TMEM108: variants seen among roughly 807,000 people sequenced by gnomAD.
TMEM108 encodes the protein transmembrane protein 108, also known as cancer/testis antigen 124.
Under a neutral mutation model 35.1 loss-of-function variants are expected in TMEM108, and 12 were observed. That is an observed-to-expected ratio of 0.34 (90% confidence interval 0.22 to 0.55). The LOEUF is 0.55. Among genes scored for constraint, TMEM108 ranks in the 20% least tolerant of loss-of-function variants. The pLI, the probability that TMEM108 is intolerant of heterozygous loss-of-function variation, is 0.89. For missense variants in TMEM108, 680 were observed against 753.3 expected (o/e 0.90, Z 1.14); for synonymous variants, 287 against 308.6 (o/e 0.93, Z 0.73).
intron 4 of TMEM108, among the ~76,000 whole-genome samples, chr3:133,383,778 C>A (rs2073074627): frequency 6.6e-6 from 1 of 152,188 alleles, no homozygotes; most frequent in African/African-American, 2.4e-5. Context: ...ATATTACTTT[C>A]TAAAGAAAGA....
chr3:133,307,886 A>G lies in TMEM108; in HGVS notation c.41-71866A>G, dbSNP rs938849818. 3.3e-5 allele frequency among the ~76,000 whole-genome samples: 5 copies of G among 152,038 alleles called. 1 individual carries two copies. The highest frequency in any genetic ancestry group is 9.7e-5 in the African/African-American group (4 of 41,358). On this transcript the variant is annotated intron_variant, in intron 3 of 5. Coordinates refer to ENST00000321871, the MANE Select transcript of TMEM108 (RefSeq NM_023943.4). ...ATGAACTTTAAAGTAGATTTTTCCA[A>G]TTCTGTGAAGCAAATCATTGGTAGC...
In TMEM108 at chr3:133,200,108, C is replaced by G. The variant is rs564795010; in HGVS notation, c.-46-29158C>G. 3.0e-4 allele frequency among the ~76,000 whole-genome samples: 46 copies of G among 152,272 alleles called. 1 individual carries two copies. In the East Asian group the frequency reaches 7.9e-3, roughly 26 times the overall value. On this transcript the variant is annotated intron_variant, in intron 2 of 5. Transcript: ENST00000321871. ...CTCCTGGTGTGCCGTTTGCTAAGACCGTTGGAAAAGCGCAGTATTAGGGTA... is the reference window on the plus strand; with the variant it reads ...CTCCTGGTGTGCCGTTTGCTAAGACGGTTGGAAAAGCGCAGTATTAGGGTA...
At chr3:133,178,582 G>T (rs961836860) in intron 2 of TMEM108, among the ~76,000 whole-genome samples, 1 of 152,168 alleles carries the variant, frequency 6.6e-6, no homozygotes, top group Non-Finnish European at 1.5e-5. Context: ...TTAATAAATG[G>T]TTCTGGGAAA....
intron 2 of TMEM108, among the ~76,000 whole-genome samples, chr3:133,114,063 T>C (rs1223852240): frequency 2.0e-5 from 3 of 152,190 alleles, no homozygotes; most frequent in Non-Finnish European, 4.4e-5. Context: ...CAAAATGATG[T>C]CCTTGGAGGA....
chr3:133,116,713 A>G (rs897043350), intron 2 of TMEM108, among the ~76,000 whole-genome samples: 4 of 152,214 alleles, frequency 2.6e-5, no homozygotes, highest in African/African-American at 9.6e-5. Flanking sequence ...TGTCAACTGT[A>G]TGAGATACCA....
At chr3:133,196,772 G>T (rs1017823672) in intron 2 of TMEM108, among the ~76,000 whole-genome samples, 14 of 152,146 alleles carry the variant, frequency 9.2e-5, no homozygotes, top group African/African-American at 3.4e-4. Flanking sequence ...AGTGACTTTT[G>T]TCCTCTTTGT....
At chr3:133,249,204 A>T (rs1004859914) in intron 3 of TMEM108, among the ~76,000 whole-genome samples, 1 of 152,216 alleles carries the variant, frequency 6.6e-6, no homozygotes, top group African/African-American at 2.4e-5. Context: ...ATTGAAGCTG[A>T]TGTGATAGGA....
intron 2 of TMEM108, among the ~76,000 whole-genome samples, chr3:133,171,592 T>G (rs940067094): frequency 6.6e-6 from 1 of 152,156 alleles, no homozygotes; most frequent in Non-Finnish European, 1.5e-5. Flanking sequence ...ATTTCCTGCT[T>G]AGAGAGGTCA....
At chr3:133,167,658 G>A (rs1260571595) in intron 2 of TMEM108, among the ~76,000 whole-genome samples, 1 of 152,202 alleles carries the variant, frequency 6.6e-6, no homozygotes, top group Non-Finnish European at 1.5e-5. Context: ...CACTGCCCGG[G>A]GCCAGTGCCA....
At chr3:133,306,007 G>C (rs2107707163) in intron 3 of TMEM108, among the ~76,000 whole-genome samples, 1 of 152,134 alleles carries the variant, frequency 6.6e-6, no homozygotes, top group Admixed American at 6.5e-5. Flanking sequence ...GCAAACCTAT[G>C]TTATGCAGAT....
intron 4 of TMEM108, chr3:133,388,297 C>T (rs1016360733): frequency 2.6e-5 from 26 of 984,326 alleles, no homozygotes; most frequent in Non-Finnish European, 3.0e-5. Flanking sequence ...GGACAGGGGA[C>T]CCGGGATCTT....
intron 3 of TMEM108, among the ~76,000 whole-genome samples, chr3:133,257,549 TTG>T (rs1946565461): frequency 6.6e-6 from 1 of 152,216 alleles, no homozygotes; most frequent in African/African-American, 2.4e-5. Flanking sequence ...TAAAGAAGTA[TTG>T]TGTTTCTCCC....
intron 3 of TMEM108, among the ~76,000 whole-genome samples, chr3:133,358,012 C>T (rs913911071): frequency 6.6e-6 from 1 of 152,084 alleles, no homozygotes; most frequent in Non-Finnish European, 1.5e-5. Flanking sequence ...ACCTGTTGCC[C>T]AGTTGTTACA....
At chr3:133,339,606 A>G (rs1444777318) in intron 3 of TMEM108, among the ~76,000 whole-genome samples, 1 of 151,988 alleles carries the variant, frequency 6.6e-6, no homozygotes, top group Non-Finnish European at 1.5e-5. Flanking sequence ...AAATGAACTT[A>G]ATAGATATTT....
At chr3:133,180,967 C>T (rs1398188101) in intron 2 of TMEM108, among the ~76,000 whole-genome samples, 1 of 129,316 alleles carries the variant, frequency 7.7e-6, no homozygotes, top group African/African-American at 2.9e-5. Flanking sequence ...TTAATGCTTC[C>T]CCTAATCTTT....
intron 3 of TMEM108, among the ~76,000 whole-genome samples, chr3:133,349,369 A>G (rs2071920905): frequency 6.6e-6 from 1 of 152,152 alleles, no homozygotes; most frequent in Admixed American, 6.5e-5. Flanking sequence ...GACCAGAAGA[A>G]CAAAGAAAAC....
At chr3:133,388,289 A>G in intron 4 of TMEM108, 1 of 984,904 alleles carries the variant, frequency 1.0e-6, no homozygotes, top group African/African-American at 1.7e-5. Context: ...AGAGAAGGGG[A>G]CAGGGGACCC....
chr3:133,251,470 C>T (rs1035919357), intron 3 of TMEM108, among the ~76,000 whole-genome samples: 7 of 152,098 alleles, frequency 4.6e-5, no homozygotes, highest in African/African-American at 1.2e-4. Context: ...ACTCAAAGAT[C>T]ACTATGACTT....
At chr3:133,143,650 A>G (rs1008516598) in intron 2 of TMEM108, among the ~76,000 whole-genome samples, 1 of 152,238 alleles carries the variant, frequency 6.6e-6, no homozygotes, top group Non-Finnish European at 1.5e-5. Flanking sequence ...CCAAGAAGGC[A>G]GAAACAGATT....
Sources: gnomAD v4.1 joint callset for allele counts (sites outside exome capture counted in the v4.1 genomes callset) on GRCh38, gnomAD v4.1.1 for gene constraint, MANE v1.5 for transcripts, NCBI Gene and HGNC (gene_info 2026-07-23, HGNC 2026-07-21) for gene names.